Variants in ZFHX3 observed in about 807,000 individuals in gnomAD.
ZFHX3 encodes zinc finger homeobox 3.
ZFHX3 carries 42 observed loss-of-function variants against 279.1 expected under a neutral mutation model. The observed-to-expected ratio is 0.15, with a 90% confidence interval of 0.12 to 0.19. ZFHX3 has a LOEUF of 0.19. ZFHX3 is among the 10% of genes least tolerant of loss of function. ZFHX3 has a pLI of 1.00. For missense variants in ZFHX3, 4,981 were observed against 4,754.0 expected, an observed-to-expected ratio of 1.05 and a Z score of -1.40; for synonymous variants, 2,293 against 1,957.8, an observed-to-expected ratio of 1.17 and a Z score of -4.52.
In ZFHX3 at chr16:72,878,004, T is replaced by C. The variant is rs549962401; in HGVS notation, c.3448+11727A>G. Among the ~76,000 whole-genome samples the C allele has an allele frequency of 2.0e-5, 3 of 151,938 alleles. No homozygotes were observed. The East Asian group carries it at 5.8e-4, about 30-fold the overall frequency. On this transcript the variant is annotated intron_variant, in intron 4 of 9. Coordinates refer to ENST00000268489, the MANE Select transcript of ZFHX3 (RefSeq NM_006885.4). ...GAGGCCAGGAGTTCAAGAACAGCCC[T>C]GACAACATAGTGAGACCCTGTCTAC... is the stretch of plus-strand genomic sequence containing the variant.
intron 4 of ZFHX3, among the ~76,000 whole-genome samples, chr16:72,864,666 G>A (rs145557265): frequency 6.6e-6 from 1 of 152,132 alleles, no homozygotes; most frequent in Admixed American, 6.5e-5. Flanking sequence ...ACACTCTTGG[G>A]CCTCACTGCA....
At chr16:73,660,141 G>A (rs192696783) in intron 2 of ZFHX3, among the ~76,000 whole-genome samples, 50 of 152,292 alleles carry the variant, frequency 3.3e-4, no homozygotes, top group African/African-American at 1.0e-3. Flanking sequence ...AATTTAGGAC[G>A]AACTAGGGAA....
intron 8 of ZFHX3, among the ~76,000 whole-genome samples, chr16:73,088,549 A>G (rs1966037076): frequency 6.6e-6 from 1 of 152,198 alleles, no homozygotes; most frequent in African/African-American, 2.4e-5. Flanking sequence ...CTGCATGTCG[A>G]TTCTAGGTAT....
At chr16:73,464,560 C>T (rs2018529125) in intron 2 of ZFHX3, among the ~76,000 whole-genome samples, 1 of 119,504 alleles carries the variant, frequency 8.4e-6, no homozygotes, top group African/African-American at 3.2e-5. Flanking sequence ...TTCTATAGCC[C>T]TGAAAACCAA....
chr16:73,198,341 C>CT (rs79436905), intron 5 of ZFHX3, among the ~76,000 whole-genome samples: 2,046 of 130,176 alleles, frequency 0.016, 30 homozygotes, highest in African/African-American at 0.034. Flanking sequence ...ATGCTGGTAT[C>CT]TTTTTTTTTT....
intron 4 of ZFHX3, among the ~76,000 whole-genome samples, chr16:72,841,699 G>A (rs537229003): frequency 1.2e-4 from 19 of 152,250 alleles, no homozygotes; most frequent in African/African-American, 3.9e-4. Flanking sequence ...CTCAGGACTC[G>A]CTGTGTATCT....
intron 2 of ZFHX3, among the ~76,000 whole-genome samples, chr16:73,642,168 T>C (rs1380645101): frequency 6.6e-6 from 1 of 152,228 alleles, no homozygotes; most frequent in Non-Finnish European, 1.5e-5. Context: ...GCAGCTCTGA[T>C]TCCCAGTGGA....
intron 3 of ZFHX3, among the ~76,000 whole-genome samples, chr16:72,893,211 G>A (rs985381273): frequency 6.6e-6 from 1 of 152,172 alleles, no homozygotes; most frequent in South Asian, 2.1e-4. Flanking sequence ...AAAGAAATAC[G>A]TTCCATCAAG....
intron 9 of ZFHX3, chr16:72,791,469 T>C (rs1051249882): frequency 4.6e-5 from 7 of 152,232 alleles, no homozygotes; most frequent in East Asian, 3.9e-4. Context: ...CTGGCTCATA[T>C]TGGGTGTTGT....
rs746393241 is a variant in ZFHX3, at chr16:72,787,767, G to A, written c.10509C>T (p.His3503=). 8 of 1,468,396 alleles carry A rather than the reference G, an allele frequency of 5.4e-6. No individual in the cohort carries two copies. The highest frequency in any genetic ancestry group is 1.8e-4 in the Middle Eastern group (1 of 5,582). The allele number at this position is 1,468,396 out of a possible 1,614,324, so 91.0% of individuals were successfully genotyped here. A position where few individuals can be genotyped will look rare whatever the true frequency, so the allele number is the denominator to read the frequency against. ...CACCGCCGCCGCCGCCGGTGGGGAC[G>A]TGAAGCACCATCTCTTGCAGGTTCA... ...SVVNLQEMVL[H]VPTGGGGGGS... Residue 3503 remains histidine, a synonymous_variant, in exon 10 of 10, where the codon CAC becomes CAT. Transcript: ENST00000268489.
chr16:72,824,778 T>C (rs2036892836), intron 5 of ZFHX3, among the ~76,000 whole-genome samples: 1 of 152,224 alleles, frequency 6.6e-6, no homozygotes, highest in Non-Finnish European at 1.5e-5. Flanking sequence ...TAATGATTAA[T>C]TGGATAATCA....
intron 5 of ZFHX3, among the ~76,000 whole-genome samples, chr16:73,227,235 C>A (rs2012623900): frequency 6.6e-6 from 1 of 152,110 alleles, no homozygotes; most frequent in Non-Finnish European, 1.5e-5. Context: ...TGACAATATT[C>A]TTTTTAACCT....
intron 3 of ZFHX3, among the ~76,000 whole-genome samples, chr16:73,423,881 G>C (rs9708344): frequency 0.11 from 16,752 of 150,408 alleles, 1,067 homozygotes; most frequent in African/African-American, 0.16. Flanking sequence ...AAAAAAAAGT[G>C]AGAGAGATCT....
intron 5 of ZFHX3, among the ~76,000 whole-genome samples, chr16:73,230,976 G>A (rs192680166): frequency 1.3e-5 from 2 of 152,272 alleles, no homozygotes; most frequent in East Asian, 1.9e-4. Context: ...CCCTTCTGTC[G>A]CCAGGCCAGG....
intron 4 of ZFHX3, among the ~76,000 whole-genome samples, chr16:72,837,723 C>G (rs902633349): frequency 6.6e-6 from 1 of 151,754 alleles, no homozygotes. Context: ...TCCTTGACCT[C>G]CTGAGTAGCA....
chr16:72,955,419 T>C (rs1376063400), intron 2 of ZFHX3, among the ~76,000 whole-genome samples: 1 of 152,230 alleles, frequency 6.6e-6, no homozygotes, highest in Admixed American at 6.5e-5. Context: ...ACACTTGGTG[T>C]GAAAGCGAAA....
At chr16:73,447,964 T>G (rs943431227) in intron 3 of ZFHX3, among the ~76,000 whole-genome samples, 1 of 152,150 alleles carries the variant, frequency 6.6e-6, no homozygotes, top group African/African-American at 2.4e-5. Flanking sequence ...TTGGTCAAAC[T>G]GAAGGGCCTG....
chr16:73,743,049 C>G (rs1027141667), intron 1 of ZFHX3, among the ~76,000 whole-genome samples: 1 of 152,150 alleles, frequency 6.6e-6, no homozygotes, highest in Non-Finnish European at 1.5e-5. Flanking sequence ...TGCAGTTATT[C>G]ATACAGACTT....
intron 1 of ZFHX3, among the ~76,000 whole-genome samples, chr16:73,800,616 G>A (rs1022942395): frequency 6.6e-6 from 1 of 151,846 alleles, no homozygotes; most frequent in African/African-American, 2.4e-5. Context: ...TTCTACTCTT[G>A]CCAGTTAAAG....
Sources: gnomAD v4.1 joint callset for allele counts (sites outside exome capture counted in the v4.1 genomes callset) on GRCh38, gnomAD v4.1.1 for gene constraint, MANE v1.5 for transcripts, NCBI Gene and HGNC (gene_info 2026-07-23, HGNC 2026-07-21) for gene names.